PIEZO1: variants seen among roughly 807,000 people sequenced by gnomAD.
The protein encoded by PIEZO1 is piezo type mechanosensitive ion channel component 1 (Er blood group).
In PIEZO1, 296 loss-of-function variants were observed where a neutral mutation model predicts 297.2. The ratio of observed to expected loss-of-function variants is 1.00; its 90% CI spans 0.91 to 1.10. The LOEUF is 1.10. Among genes scored for constraint, PIEZO1 ranks in the 50% least tolerant of loss-of-function variants. The pLI is 0.00. For missense variants in PIEZO1, 5,018 were observed against 3,455.5 expected (o/e 1.45, Z -11.34); for synonymous variants, 2,427 against 1,507.5 (o/e 1.61, Z -14.13).
chr16:88,779,070 G>A (rs1907808504), intron 1 of PIEZO1, among the ~76,000 whole-genome samples: 1 of 138,434 alleles, frequency 7.2e-6, no homozygotes, highest in Admixed American at 7.4e-5. Flanking sequence ...GAGTCTTGCT[G>A]TCCCCCAAGC....
At position 88,717,053 on chromosome 16, in the gene PIEZO1, G is replaced by C; in HGVS notation, c.6630C>G (p.Val2210=). The change falls in exon 45 of 51, where the codon GTC becomes GTG. Residue 2210 remains valine, a synonymous_variant. Coordinates refer to ENST00000301015, the MANE Select transcript of PIEZO1 (RefSeq NM_001142864.4). ...VVGVVNQPID[V]TVTLKLGGYE... ...AGCCGCCCAGCTTCAGGGTGACGGT[G>C]ACATCGATGGGCTGGTTGACAACCC... 1 of 1,550,852 alleles carries C rather than the reference G, an allele frequency of 6.4e-7. No individual in the cohort carries two copies. The highest frequency in any genetic ancestry group is 8.7e-7 in the Non-Finnish European group (1 of 1,147,038).
chr16:88,758,758 G>A (rs923567750), intron 1 of PIEZO1, among the ~76,000 whole-genome samples: 1 of 152,210 alleles, frequency 6.6e-6, no homozygotes, highest in African/African-American at 2.4e-5. Flanking sequence ...AATCTCCTCT[G>A]TCTTAGTTTG....
Position 88,734,995 on chromosome 16 carries a change from G to A in PIEZO1, c.1728C>T (p.Tyr576=), listed in dbSNP as rs1037527853. The A allele has an allele frequency of 1.2e-5, 18 of 1,550,406 alleles. No homozygotes were observed. Among genetic ancestry groups the A allele is most frequent in the Middle Eastern group, 1.7e-4 (1 of 6,014 alleles). ...QSLGELVKGV[Y]AKYWIYVCAG... ...CACACACATAGATCCAGTACTTGGC[G>A]TACACGCCCTTCACCAGCTCCCCCA... The change falls in exon 14 of 51, where the codon TAC becomes TAT. Residue 576 remains tyrosine, a synonymous_variant. Coordinates refer to ENST00000301015, the MANE Select transcript of PIEZO1 (RefSeq NM_001142864.4).
Position 88,732,530 on chromosome 16 carries a change from G to C in PIEZO1, c.2796C>G (p.His932Gln), listed in dbSNP as rs999973235. The C allele has an allele frequency of 7.1e-6, 11 of 1,546,550 alleles. No individual in the cohort carries two copies. The highest frequency in any genetic ancestry group is 2.0e-5 in the Admixed American group (1 of 50,874). Residue 932 changes from histidine (H) to glutamine (Q), a missense_variant, in exon 21 of 51, where the codon CAC (histidine) becomes CAG (glutamine). By Grantham distance (24) the His-to-Gln change is conservative. Coordinates refer to ENST00000301015, the MANE Select transcript of PIEZO1 (RefSeq NM_001142864.4). Reference protein sequence around the residue: ...GFPNLGYIQNHLQVLLLLVFE... With the variant: ...GFPNLGYIQNQLQVLLLLVFE... ...ATACCAGCAGCAGCAGCACTTGCAG[G>C]TGGTTCTGCGGAGGGCAAGGGTCAG...
Position 88,722,341 on chromosome 16 carries a change from A to G in PIEZO1, c.4832T>C (p.Leu1611Pro). Reference protein sequence around the residue: ...SSMTDDMGSPLSTGYHTRSGS... With the variant: ...SSMTDDMGSPPSTGYHTRSGS... ...ACTGCGCGTGTGGTAGCCGGTGCTC[A>G]GGGGGCTGCCCATGTCGTCTGTCAT... Residue 1611 changes from leucine to proline, a missense_variant, in exon 36 of 51, where the codon CTG becomes CCG. Coordinates refer to ENST00000301015, the MANE Select transcript of PIEZO1 (RefSeq NM_001142864.4). The G allele has an allele frequency of 1.2e-5, 19 of 1,540,340 alleles. No homozygotes were observed. Among genetic ancestry groups the G allele is most frequent in the Non-Finnish European group, 1.6e-5 (18 of 1,142,472 alleles).
intron 1 of PIEZO1, among the ~76,000 whole-genome samples, chr16:88,773,085 T>C (rs1907498929): frequency 6.6e-6 from 1 of 152,220 alleles, no homozygotes; most frequent in Admixed American, 6.5e-5. Flanking sequence ...CGCTGTGCTC[T>C]GGAAGCAGCA....
Position 88,724,007 on chromosome 16 carries a change from G to A in PIEZO1, c.4235-36C>T, listed in dbSNP as rs954382157. On this transcript the variant is annotated intron_variant, in intron 30 of 50. Coordinates refer to ENST00000301015, the MANE Select transcript of PIEZO1 (RefSeq NM_001142864.4). ...GCAGCACTGAGAGCCAGCCTTCCAT[G>A]CAGGGAGACTCCCAGCCAGACCCCC... 6.2e-6 allele frequency: 8 copies of A among 1,281,196 alleles called. No homozygotes were observed. The East Asian group carries it at 1.0e-4, about 16-fold the overall frequency. 79.4% of individuals were successfully genotyped at this position (1,281,196 alleles called of 1,614,324 possible).
At position 88,779,028 on chromosome 16, in the gene PIEZO1, C is replaced by T. The variant is rs1907805800; in HGVS notation, c.64+5873G>A. Among the ~76,000 whole-genome samples, 3 of 142,462 alleles carry T rather than the reference C, an allele frequency of 2.1e-5. No homozygotes were observed. The South Asian group carries it at 6.8e-4, about 32-fold the overall frequency. The allele number at this position is 142,462 out of a possible 152,430, so 93.5% of individuals were successfully genotyped here. A position where few individuals can be genotyped will look rare whatever the true frequency, so the allele number is the denominator to read the frequency against. On this transcript the variant is annotated intron_variant, in intron 1 of 50. Coordinates refer to ENST00000301015, the MANE Select transcript of PIEZO1 (RefSeq NM_001142864.4). ...TAAAAAGGGAATTTAATCTGATTTA[C>T]GACTTCACTTTTTTTTTTTTTTTTT...
chr16:88,723,734 G>A, intron 31 of PIEZO1, 137 bp downstream of exon 31: 1 of 614,500 alleles, frequency 1.6e-6, no homozygotes, highest in Non-Finnish European at 2.9e-6. Context: ...AGGCCTGGAT[G>A]GGGCGGGGTG....
intron 1 of PIEZO1, among the ~76,000 whole-genome samples, chr16:88,777,163 G>C (rs1189807854): frequency 6.6e-6 from 1 of 152,236 alleles, no homozygotes; most frequent in Non-Finnish European, 1.5e-5. Context: ...AGTAGGGACA[G>C]GGTTTTGCCA....
rs532444891 is a variant in PIEZO1, at chr16:88,723,294, G to A, written c.4370C>T (p.Ala1457Val). The change falls in exon 32 of 51, where the codon GCG becomes GTG. Residue 1457 changes from alanine (A) to valine (V), a missense_variant. Coordinates refer to ENST00000301015, the MANE Select transcript of PIEZO1 (RefSeq NM_001142864.4). ...AYQAWVTNAQ[A>V]VLRRRQQEQE... The stretch of plus-strand genomic sequence containing the variant: ...CTCCTGCTGCCGCCGCCTCAGCACC[G>A]CCTGGGCGTTGGTCACCCATGCCTG... The A allele has an allele frequency of 1.7e-4, 255 of 1,540,298 alleles. No individual in the cohort carries two copies. The highest frequency in any genetic ancestry group is 1.5e-3 in the East Asian group (60 of 40,912).
intron 19 of PIEZO1, 115 bp from the exon 20 acceptor site, chr16:88,732,847 C>G: frequency 9.1e-7 from 1 of 1,099,710 alleles, no homozygotes; most frequent in Non-Finnish European, 1.3e-6. Context: ...CAGCCAGGGA[C>G]ACGGGGGCTG....
At chr16:88,743,761 C>A in intron 2 of PIEZO1, 1 of 411,938 alleles carries the variant, frequency 2.4e-6, no homozygotes, top group South Asian at 1.7e-5. Flanking sequence ...GTCCGCACCA[C>A]CAGGCAGCCG....
rs2340977 is a variant in PIEZO1, at chr16:88,720,648, G to C, written c.5769C>G (p.Ala1923=). 5 of 1,528,296 alleles carry C rather than the reference G, an allele frequency of 3.3e-6. No individual in the cohort carries two copies. Among genetic ancestry groups the C allele is most frequent in the Non-Finnish European group, 4.4e-6 (5 of 1,136,060 alleles). 94.7% of individuals were successfully genotyped at this position (1,528,296 alleles called of 1,614,324 possible). ...PSRSGGRVRA[A]GRRLQGFCLS... ...GGCAGAAGCCCTGCAGCCGCCGCCCGGCCGCCCTTACTCTTCCTCCAGAGC... is the reference window on the plus strand; with the variant it reads ...GGCAGAAGCCCTGCAGCCGCCGCCCCGCCGCCCTTACTCTTCCTCCAGAGC... The change falls in exon 40 of 51, where the codon GCC becomes GCG. Residue 1923 remains alanine (A), a synonymous_variant. Transcript: ENST00000301015.
chr16:88,773,256 G>A (rs1017648891), intron 1 of PIEZO1, among the ~76,000 whole-genome samples: 12 of 152,252 alleles, frequency 7.9e-5, no homozygotes, highest in African/African-American at 1.4e-4. Flanking sequence ...GAGTAGAGGG[G>A]AGGCCTGAGT....
chr16:88,732,184 C>T (rs1222844095), intron 21 of PIEZO1, 151 bp downstream of exon 21: 7 of 660,472 alleles, frequency 1.1e-5, no homozygotes, highest in Non-Finnish European at 1.8e-5. Flanking sequence ...CACAGGAGTC[C>T]AGGGAAGCCG....
At position 88,716,023 on chromosome 16, in the gene PIEZO1, T is replaced by C. The variant is rs991889451; in HGVS notation, c.7226A>G (p.Gln2409Arg). Residue 2409 changes from glutamine to arginine, a missense_variant, in exon 50 of 51, where the codon CAG becomes CGG. By Grantham distance (43) the Gln-to-Arg change is conservative. Transcript: ENST00000301015. ...CAGGTTGCAGTCGGTCCGGCACTCC[T>C]GCAGCTCGATGACCCACCATTCGAG... ...GFLEWWVIEL[Q>R]ECRTDCNLLP... The C allele has an allele frequency of 2.6e-6, 4 of 1,550,082 alleles. No individual in the cohort carries two copies. In the African/African-American group the frequency reaches 4.1e-5, roughly 16 times the overall value.
At chr16:88,743,103 TTGC>T (rs1457522950) in intron 2 of PIEZO1, 1 of 456,554 alleles carries the variant, frequency 2.2e-6, no homozygotes, top group Admixed American at 2.3e-5. Context: ...CACCATCTGG[TTGC>T]CTGGCAGCCT....
chr16:88,723,820 G>T, intron 31 of PIEZO1, 51 bp downstream of exon 31: 3 of 983,374 alleles, frequency 3.1e-6, no homozygotes, highest in South Asian at 2.8e-5. Context: ...CCTGGTCCAG[G>T]ACCACAAGCT....
Sources: allele counts gnomAD v4.1 joint callset (sites outside exome capture counted in the v4.1 genomes callset), GRCh38; gene constraint gnomAD v4.1.1; transcripts MANE v1.5; gene names NCBI Gene and HGNC (gene_info 2026-07-23, HGNC 2026-07-21).